The following UBR3 variants were observed in gnomAD, a reference collection of about 807,000 sequenced individuals.
UBR3 encodes E3 ubiquitin-protein ligase UBR3.
Under a neutral mutation model 243.2 loss-of-function variants are expected in UBR3, and 85 were observed. The observed-to-expected ratio is 0.35, with a 90% CI of 0.29 to 0.42. The LOEUF is 0.42. Among genes scored for constraint, UBR3 ranks in the 10% least tolerant of loss-of-function variants. The probability of loss-of-function intolerance (pLI) is 1.00; values close to 1 mark genes in which losing one functional copy is unlikely to be tolerated. For missense variants in UBR3, 1,686 were observed against 2,300.8 expected (o/e 0.73, Z 5.47); for synonymous variants, 748 against 799.8 (o/e 0.94, Z 1.09).
intron 1 of UBR3, among the ~76,000 whole-genome samples, chr2:169,851,180 A>T (rs901326573): frequency 1.3e-5 from 2 of 152,172 alleles, no homozygotes; most frequent in African/African-American, 4.8e-5. Flanking sequence ...GCTACAGTGC[A>T]GTGGCACGAT....
chr2:169,933,768 A>G (rs1471199660), intron 19 of UBR3, among the ~76,000 whole-genome samples: 1 of 152,176 alleles, frequency 6.6e-6, no homozygotes, highest in East Asian at 1.9e-4. Flanking sequence ...TTTTGCCAAG[A>G]CTTTGCAGTA....
intron 23 of UBR3, 62 bp from the exon 24 acceptor site, chr2:169,958,375 GA>G: frequency 6.8e-7 from 1 of 1,461,314 alleles, no homozygotes; most frequent in Non-Finnish European, 9.5e-7. Flanking sequence ...ATATACTCCT[GA>G]AATATAGTAG....
At chr2:169,895,969 C>A (rs941458937) in intron 7 of UBR3, among the ~76,000 whole-genome samples, 26 of 150,564 alleles carry the variant, frequency 1.7e-4, no homozygotes, top group Admixed American at 2.0e-4. Flanking sequence ...AAAAAAAAAA[C>A]CAGAGAAAAT....
intron 29 of UBR3, 79 bp from the exon 30 acceptor site, chr2:170,015,202 G>A: frequency 8.3e-7 from 1 of 1,209,536 alleles, no homozygotes; most frequent in Non-Finnish European, 1.2e-6. Flanking sequence ...TATTTTTTAG[G>A]TTGATTCAGA....
chr2:169,829,864 T>C (rs1020610763), intron 1 of UBR3, among the ~76,000 whole-genome samples: 10 of 151,812 alleles, frequency 6.6e-5, no homozygotes, highest in Middle Eastern at 3.4e-3. Flanking sequence ...CGGAAGTTTT[T>C]CTCACATCTA....
At chr2:169,980,566 C>G (rs2088675758) in intron 24 of UBR3, among the ~76,000 whole-genome samples, 1 of 151,432 alleles carries the variant, frequency 6.6e-6, no homozygotes, top group Non-Finnish European at 1.5e-5. Context: ...TTAGTATGTA[C>G]TCATGGATAT....
chr2:169,975,648 G>C (rs1444640598), intron 24 of UBR3, among the ~76,000 whole-genome samples: 1 of 152,078 alleles, frequency 6.6e-6, no homozygotes, highest in Non-Finnish European at 1.5e-5. Context: ...TATGTATTTA[G>C]AATTGTTGTA....
chr2:170,066,560 TTTC>T (rs2091571869), intron 35 of UBR3, among the ~76,000 whole-genome samples: 2 of 152,232 alleles, frequency 1.3e-5, no homozygotes, highest in African/African-American at 4.8e-5. Flanking sequence ...ATCTCCTTTT[TTTC>T]TTCTTCTGTC....
chr2:169,964,516 G>A (rs1194707904), intron 24 of UBR3: 7 of 459,276 alleles, frequency 1.5e-5, no homozygotes, highest in South Asian at 1.1e-4. Context: ...GAGGGAAGGA[G>A]GAAAGAATGG....
At chr2:169,940,412 TTGAGTTA>T (rs1464076849) in intron 19 of UBR3, among the ~76,000 whole-genome samples, 7 of 152,178 alleles carry the variant, frequency 4.6e-5, no homozygotes, top group African/African-American at 1.7e-4. Flanking sequence ...GTCTGGAGTT[TTGAGTTA>T]TATTTTTAAG....
chr2:170,007,702 A>G (rs1469081915), intron 28 of UBR3, among the ~76,000 whole-genome samples: 1 of 152,088 alleles, frequency 6.6e-6, no homozygotes, highest in Non-Finnish European at 1.5e-5. Context: ...CATCTCTACT[A>G]AAAATACAAA....
intron 24 of UBR3, among the ~76,000 whole-genome samples, chr2:169,978,588 G>A (rs1465756043): frequency 6.6e-6 from 1 of 152,078 alleles, no homozygotes; most frequent in Non-Finnish European, 1.5e-5. Context: ...CCCTGGGGAT[G>A]TAGTACTGTG....
intron 24 of UBR3, among the ~76,000 whole-genome samples, chr2:169,962,937 C>T (rs1040367053): frequency 1.3e-5 from 2 of 152,088 alleles, no homozygotes; most frequent in Non-Finnish European, 2.9e-5. Flanking sequence ...GTAATTGTCT[C>T]TAGTCTGTGT....
chr2:169,948,714 T>C (rs902873569), intron 22 of UBR3, among the ~76,000 whole-genome samples: 1 of 152,020 alleles, frequency 6.6e-6, no homozygotes, highest in African/African-American at 2.4e-5. Context: ...TGTTAAAAAA[T>C]AGTGTATACT....
chr2:169,855,524 T>C (rs927595834), intron 1 of UBR3, among the ~76,000 whole-genome samples: 1 of 151,942 alleles, frequency 6.6e-6, no homozygotes, highest in African/African-American at 2.4e-5. Flanking sequence ...TGTCCCTGGG[T>C]ACTTGAGATT....
intron 30 of UBR3, among the ~76,000 whole-genome samples, chr2:170,022,338 A>G (rs553890622): frequency 5.3e-5 from 8 of 152,254 alleles, no homozygotes; most frequent in South Asian, 2.1e-4. Context: ...GGAACACAAC[A>G]TGGAAAGTAT....
intron 11 of UBR3, among the ~76,000 whole-genome samples, chr2:169,917,084 T>C (rs1029527314): frequency 6.6e-6 from 1 of 152,152 alleles, no homozygotes; most frequent in African/African-American, 2.4e-5. Context: ...TAATTTTTCT[T>C]TACCCCTCAT....
intron 10 of UBR3, among the ~76,000 whole-genome samples, chr2:169,909,229 T>C (rs1402637214): frequency 6.6e-6 from 1 of 152,158 alleles, no homozygotes; most frequent in African/African-American, 2.4e-5. Context: ...TCGCAGATCA[T>C]GTTAAGTACT....
At chr2:169,892,198 AT>A (rs1460287332) in intron 6 of UBR3, among the ~76,000 whole-genome samples, 1 of 152,188 alleles carries the variant, frequency 6.6e-6, no homozygotes, top group Non-Finnish European at 1.5e-5. Context: ...GCAGTCCAGG[AT>A]GCACACATAC....
Sources: allele counts gnomAD v4.1 joint callset (sites outside exome capture counted in the v4.1 genomes callset), GRCh38; gene constraint gnomAD v4.1.1; transcripts MANE v1.5; gene names NCBI Gene and HGNC (gene_info 2026-07-23, HGNC 2026-07-21).